Variants in RNF13 observed in about 807,000 individuals in gnomAD.
The protein encoded by RNF13 is ring finger protein 13.
In RNF13, 19 loss-of-function variants were observed where a neutral mutation model predicts 37.7. The ratio of observed to expected loss-of-function variants is 0.50; its 90% CI spans 0.35 to 0.74. The LOEUF is 0.74. Ranked by LOEUF, RNF13 falls within the 30% of genes least tolerant of loss-of-function variation. The pLI, the probability that RNF13 is intolerant of heterozygous loss-of-function variation, is 0.01. For missense variants in RNF13, 375 were observed against 453.0 expected (o/e 0.83, Z 1.56); for synonymous variants, 144 against 157.8 (o/e 0.91, Z 0.65).
At chr3:149,825,356 G>C (rs1720396185) in intron 1 of RNF13, among the ~76,000 whole-genome samples, 1 of 152,102 alleles carries the variant, frequency 6.6e-6, no homozygotes, top group Admixed American at 6.5e-5. Context: ...TAGAGACAGG[G>C]TTTCACCATG....
chr3:149,860,746 A>G (rs1724176371), intron 3 of RNF13, among the ~76,000 whole-genome samples: 1 of 152,212 alleles, frequency 6.6e-6, no homozygotes, highest in Non-Finnish European at 1.5e-5. Flanking sequence ...ACAGACAACA[A>G]AAAGAAAAAT....
intron 8 of RNF13, among the ~76,000 whole-genome samples, chr3:149,924,417 G>A (rs1018870854): frequency 4.6e-5 from 7 of 152,252 alleles, no homozygotes; most frequent in African/African-American, 1.7e-4. Context: ...AAGACACCGT[G>A]GGGCATTCCA....
chr3:149,917,069 C>G (rs1047398158), intron 7 of RNF13, among the ~76,000 whole-genome samples: 3 of 152,118 alleles, frequency 2.0e-5, no homozygotes, highest in Admixed American at 6.6e-5. Context: ...AGGGGGAACT[C>G]TAGTTACTAT....
intron 6 of RNF13, among the ~76,000 whole-genome samples, chr3:149,907,086 C>T (rs527833147): frequency 1.3e-5 from 2 of 152,234 alleles, no homozygotes; most frequent in South Asian, 2.1e-4. Flanking sequence ...ATTACATCTA[C>T]TAACTGGTTT....
chr3:149,823,353 T>A (rs1195882877), intron 1 of RNF13, among the ~76,000 whole-genome samples: 2 of 152,156 alleles, frequency 1.3e-5, no homozygotes, highest in Non-Finnish European at 2.9e-5. Flanking sequence ...ATATTAGCTA[T>A]TTTTGTCATT....
intron 2 of RNF13, among the ~76,000 whole-genome samples, chr3:149,849,440 A>G (rs998578263): frequency 2.0e-5 from 3 of 152,244 alleles, no homozygotes; most frequent in Admixed American, 6.5e-5. Context: ...TGGATTATAT[A>G]GCATGGGTAG....
intron 8 of RNF13, among the ~76,000 whole-genome samples, chr3:149,946,921 A>C (rs1173457765): frequency 1.3e-5 from 2 of 152,064 alleles, no homozygotes; most frequent in Admixed American, 6.6e-5. Context: ...TTTCCTCTTA[A>C]TACTGTTTTT....
At position 149,900,339 on chromosome 3, in the gene RNF13, G is replaced by A. The variant is rs138082950; in HGVS notation, c.410-1733G>A. Among the ~76,000 whole-genome samples, 255 of 152,136 alleles carry A rather than the reference G, an allele frequency of 1.7e-3. 3 individuals are homozygous for A. Among genetic ancestry groups the A allele is most frequent in the Non-Finnish European group, 1.0e-3 (71 of 68,006 alleles). On this transcript the variant is annotated intron_variant, in intron 5 of 9. Transcript: ENST00000392894. ...AATAAAATAAGCTTTAAACTCATAT[G>A]TGGTAGAGAAAATATCTTAGCAAAA...
chr3:149,818,630 C>T (rs968818253), intron 1 of RNF13, among the ~76,000 whole-genome samples: 13 of 152,042 alleles, frequency 8.6e-5, no homozygotes, highest in Non-Finnish European at 1.2e-4. Context: ...GAAGAGAATC[C>T]GGCTGGGCAC....
rs138160750 is a variant in RNF13 at position 149,820,089 on chromosome 3, G to A, written c.-17+6736G>A. 3.6e-3 allele frequency among the ~76,000 whole-genome samples: 545 copies of A among 152,230 alleles called. 2 individuals carry two copies. The highest frequency in any genetic ancestry group is 7.5e-3 in the South Asian group (36 of 4,830). On this transcript the variant is annotated intron_variant, in intron 1 of 9. Coordinates refer to ENST00000392894, the MANE Select transcript of RNF13 (RefSeq NM_183381.3). Reference sequence around the variant, plus strand: ...AAACTGAAATTTTGGGATGTTTTGCGCTTTGATGTAAGAGAGCTCTTGGTC... The same window carrying A: ...AAACTGAAATTTTGGGATGTTTTGCACTTTGATGTAAGAGAGCTCTTGGTC...
At chr3:149,847,820 TC>T (rs1722783593) in intron 2 of RNF13, among the ~76,000 whole-genome samples, 1 of 152,216 alleles carries the variant, frequency 6.6e-6, no homozygotes, top group South Asian at 2.1e-4. Flanking sequence ...ATTTTGTGTC[TC>T]TCTTTTTCCC....
intron 8 of RNF13, among the ~76,000 whole-genome samples, chr3:149,955,322 CT>C (rs1223314843): frequency 6.6e-6 from 1 of 151,596 alleles, no homozygotes; most frequent in Non-Finnish European, 1.5e-5. Flanking sequence ...TTAAAGACTT[CT>C]TTTTTTATAA....
intron 8 of RNF13, among the ~76,000 whole-genome samples, chr3:149,936,227 A>T (rs1357976713): frequency 6.6e-6 from 1 of 151,828 alleles, no homozygotes; most frequent in Non-Finnish European, 1.5e-5. Flanking sequence ...ACTGGAGTTT[A>T]ATCTGTTTGG....
intron 4 of RNF13, among the ~76,000 whole-genome samples, chr3:149,878,122 C>T (rs927168568): frequency 6.6e-6 from 1 of 152,052 alleles, no homozygotes; most frequent in Non-Finnish European, 1.5e-5. Context: ...GTATCTATTC[C>T]CCAAACATTC....
intron 8 of RNF13, among the ~76,000 whole-genome samples, chr3:149,936,811 T>G (rs1719732032): frequency 6.6e-6 from 1 of 152,158 alleles, no homozygotes; most frequent in Non-Finnish European, 1.5e-5. Flanking sequence ...CATATTGATT[T>G]GTTATTTATT....
At chr3:149,822,884 CAG>C (rs1576712390) in intron 1 of RNF13, among the ~76,000 whole-genome samples, 2 of 152,108 alleles carry the variant, frequency 1.3e-5, no homozygotes, top group East Asian at 1.9e-4. Flanking sequence ...AAAATTAGAA[CAG>C]AAGCTAATTT....
chr3:149,861,413 GTA>G (rs779445045), intron 3 of RNF13, among the ~76,000 whole-genome samples: 4 of 152,068 alleles, frequency 2.6e-5, no homozygotes, highest in Non-Finnish European at 5.9e-5. Context: ...ATTAAAAAAA[GTA>G]TATATATGGA....
At chr3:149,893,732 T>A (rs1714954940) in intron 4 of RNF13, 1 of 152,188 alleles carries the variant, frequency 6.6e-6, no homozygotes, top group Non-Finnish European at 1.5e-5. Flanking sequence ...TGGCATTTTC[T>A]CAACATTCAT....
At chr3:149,939,007 A>C (rs1443305706) in intron 8 of RNF13, 3 of 477,864 alleles carry the variant, frequency 6.3e-6, no homozygotes, top group Non-Finnish European at 1.2e-5. Context: ...GACTTCCTCC[A>C]CTGCCAGAGA....
Sources: allele counts gnomAD v4.1 joint callset (sites outside exome capture counted in the v4.1 genomes callset), GRCh38; gene constraint gnomAD v4.1.1; transcripts MANE v1.5; gene names NCBI Gene and HGNC (gene_info 2026-07-23, HGNC 2026-07-21).